Variants in DYNC2H1 observed in about 807,000 individuals in gnomAD.
DYNC2H1 encodes cytoplasmic dynein 2 heavy chain 1.
A neutral mutation model predicts 570.0 loss-of-function variants in DYNC2H1; 410 were observed. The ratio of observed to expected loss-of-function variants is 0.72; its 90% CI spans 0.66 to 0.78. DYNC2H1 has a LOEUF of 0.78. Among genes scored for constraint, DYNC2H1 ranks in the 30% least tolerant of loss-of-function variants. The probability of loss-of-function intolerance (pLI) is 0.00; values close to 1 mark genes in which losing one functional copy is unlikely to be tolerated. For missense variants in DYNC2H1, 4,865 were observed against 5,046.4 expected (o/e 0.96, Z 1.09); for synonymous variants, 1,688 against 1,677.6 (o/e 1.01, Z -0.15).
At position 103,397,932 on chromosome 11, in the gene DYNC2H1, A is replaced by G. The variant is rs183470175; in HGVS notation, c.12157-1731A>G. 2.3e-4 allele frequency among the ~76,000 whole-genome samples: 35 copies of G among 152,154 alleles called. No individual in the cohort carries two copies. In the East Asian group the frequency reaches 6.7e-3, roughly 29 times the overall value. ...AAATGTTTAGTACATTTAGCTACCTATTTTCTTGGATTGTAGATAAATGGA... is the reference window on the plus strand; with the variant it reads ...AAATGTTTAGTACATTTAGCTACCTGTTTTCTTGGATTGTAGATAAATGGA... On this transcript the variant is annotated intron_variant, in intron 83 of 88. Coordinates refer to ENST00000375735, the MANE Select transcript of DYNC2H1 (RefSeq NM_001377.3).
At chr11:103,469,879 G>C (rs972314591) in intron 88 of DYNC2H1, among the ~76,000 whole-genome samples, 2 of 152,074 alleles carry the variant, frequency 1.3e-5, no homozygotes, top group African/African-American at 4.8e-5. Flanking sequence ...CAAAAGTTAA[G>C]GTTGGAATTT....
intron 65 of DYNC2H1, among the ~76,000 whole-genome samples, chr11:103,250,672 A>C (rs897539824): frequency 6.6e-6 from 1 of 152,138 alleles, no homozygotes; most frequent in Non-Finnish European, 1.5e-5. Flanking sequence ...GATTTTTGAA[A>C]TGGAAAATCA....
At chr11:103,126,519 A>G (rs971559399) in intron 12 of DYNC2H1, among the ~76,000 whole-genome samples, 1 of 152,108 alleles carries the variant, frequency 6.6e-6, no homozygotes, top group Non-Finnish European at 1.5e-5. Flanking sequence ...TTAATTCCCC[A>G]TTGTACCACT....
rs554402420 is a variant in DYNC2H1, at chr11:103,237,047, T to C, written c.9819+508T>C. Among the ~76,000 whole-genome samples the C allele has an allele frequency of 7.9e-5, 12 of 152,126 alleles. No homozygotes were observed. In the South Asian group the frequency reaches 2.5e-3, roughly 32 times the overall value. On this transcript the variant is annotated intron_variant, in intron 63 of 88. Transcript: ENST00000375735. ...AAAATGGAAAATAGCATAACCTTAT[T>C]ATCAGTGAGTGTGAAAACCAAATTC...
chr11:103,317,081 C>T (rs1290546180), intron 80 of DYNC2H1, among the ~76,000 whole-genome samples: 4 of 152,114 alleles, frequency 2.6e-5, no homozygotes, highest in African/African-American at 9.7e-5. Context: ...AGCTATCAGC[C>T]TCCTTGAAAA....
At chr11:103,197,886 C>G in intron 47 of DYNC2H1, 47 bp from the exon 48 acceptor site, 5 of 1,538,538 alleles carry the variant, frequency 3.2e-6, no homozygotes, top group Non-Finnish European at 4.4e-6. Context: ...GTTGAACTCT[C>G]ATTACGAGTA....
intron 76 of DYNC2H1, among the ~76,000 whole-genome samples, chr11:103,303,558 T>C (rs1274406683): frequency 5.3e-5 from 8 of 151,932 alleles, no homozygotes; most frequent in Admixed American, 3.3e-4. Context: ...GATATGATGA[T>C]AGAAGTAGAG....
At position 103,222,109 on chromosome 11, in the gene DYNC2H1, G is replaced by A. The variant is rs924174408; in HGVS notation, c.9187G>A (p.Val3063Ile). Residue 3063 changes from valine to isoleucine, a missense_variant, in exon 58 of 89, where the codon GTT (valine) becomes ATT (isoleucine). Physicochemically the swap from Val to Ile is conservative, Grantham distance 29. Transcript: ENST00000375735. The stretch of plus-strand genomic sequence containing the variant: ...TATTTCAAAGGAAATAAGAGAGAGT[G>A]TTGAAGAACTTCTTTTTAAAAATAA... ...RNISKEIRES[V>I]EELLFKNKGS... The A allele has an allele frequency of 4.4e-6, 7 of 1,596,240 alleles. No individual in the cohort carries two copies. The African/African-American group carries it at 6.7e-5, about 15-fold the overall frequency.
chr11:103,227,972 A>C (rs1863863659), intron 59 of DYNC2H1, among the ~76,000 whole-genome samples: 1 of 152,042 alleles, frequency 6.6e-6, no homozygotes, highest in Non-Finnish European at 1.5e-5. Context: ...GTTGCTTTAA[A>C]GTTTGTTATG....
Position 103,135,330 on chromosome 11 carries a change from A to T in DYNC2H1, c.2206-165A>T, listed in dbSNP as rs1456749885. Among the ~76,000 whole-genome samples the T allele has an allele frequency of 2.6e-5, 4 of 152,204 alleles. No homozygotes were observed. The East Asian group carries it at 7.7e-4, about 29-fold the overall frequency. On this transcript the variant is annotated intron_variant, in intron 15 of 88. Coordinates refer to ENST00000375735, the MANE Select transcript of DYNC2H1 (RefSeq NM_001377.3). ...TAGATTTTCATATTTGTCTCTAAAT[A>T]AACTTATACGGAGAGTAACAAGGAT...
At chr11:103,386,040 A>C (rs1009352449) in intron 83 of DYNC2H1, among the ~76,000 whole-genome samples, 2 of 152,178 alleles carry the variant, frequency 1.3e-5, no homozygotes, top group Non-Finnish European at 2.9e-5. Flanking sequence ...GAGGTAAATA[A>C]AGATGAAGAT....
chr11:103,195,146 T>C (rs1343158586), intron 47 of DYNC2H1, among the ~76,000 whole-genome samples: 1 of 152,236 alleles, frequency 6.6e-6, no homozygotes, highest in African/African-American at 2.4e-5. Flanking sequence ...TAGCAGGGTC[T>C]TTCACAGATA....
chr11:103,456,164 C>A, intron 86 of DYNC2H1, 111 bp from the exon 87 acceptor site: 2 of 782,624 alleles, frequency 2.6e-6, no homozygotes, highest in Non-Finnish European at 3.8e-6. Context: ...TTATTATTTA[C>A]ACATGGTAAA....
chr11:103,370,165 C>T (rs1662604776), intron 83 of DYNC2H1, among the ~76,000 whole-genome samples: 1 of 152,228 alleles, frequency 6.6e-6, no homozygotes, highest in Non-Finnish European at 1.5e-5. Flanking sequence ...AAGGGAATAT[C>T]AGTGGTAGTT....
chr11:103,269,104 C>T (rs1591500623), intron 70 of DYNC2H1, among the ~76,000 whole-genome samples: 1 of 152,086 alleles, frequency 6.6e-6, no homozygotes, highest in African/African-American at 2.4e-5. Flanking sequence ...AGTTAGTACT[C>T]AATTGGGATT....
At position 103,115,178 on chromosome 11, in the gene DYNC2H1, T is replaced by G. The variant is rs1325024791; in HGVS notation, c.504T>G (p.Gly168=). ...KLKFKEDDTR[G]ILTPSDEFQF... is the part of the protein sequence containing the mutation. ...TTTTTCCCCTCTTGACTTTTATAGG[T>G]ATCCTTACACCAAGCGATGAGTTCC... The change falls in exon 4 of 89, where the codon GGT becomes GGG. Residue 168 remains glycine, a splice_region_variant and synonymous_variant. Transcript: ENST00000375735. 1 of 1,604,498 alleles carries G rather than the reference T, an allele frequency of 6.2e-7. No individual in the cohort carries two copies. Among genetic ancestry groups the G allele is most frequent in the African/African-American group, 1.3e-5 (1 of 74,726 alleles).
intron 47 of DYNC2H1, among the ~76,000 whole-genome samples, chr11:103,195,781 T>C (rs1862487888): frequency 6.6e-6 from 1 of 152,192 alleles, no homozygotes; most frequent in Non-Finnish European, 1.5e-5. Flanking sequence ...ATTTATCTAA[T>C]CCCTCTATTT....
chr11:103,393,967 A>T (rs560685260), intron 83 of DYNC2H1, among the ~76,000 whole-genome samples: 1 of 152,072 alleles, frequency 6.6e-6, no homozygotes, highest in African/African-American at 2.4e-5. Context: ...CTATTATTCA[A>T]TTACCTCCCA....
chr11:103,152,274 A>G lies in DYNC2H1; in HGVS notation c.3085A>G (p.Ile1029Val), dbSNP rs376486940. 17 of 1,600,134 alleles carry G rather than the reference A, an allele frequency of 1.1e-5. No homozygotes were observed. The highest frequency in any genetic ancestry group is 1.3e-5 in the Non-Finnish European group (15 of 1,175,776). Residue 1029 changes from isoleucine (I) to valine (V), a missense_variant, in exon 21 of 89, where the codon ATT (isoleucine) becomes GTT (valine). Physicochemically the swap from Ile to Val is conservative, Grantham distance 29 (BLOSUM62 3). Transcript: ENST00000375735. ...ELMMESHQLM[I>V]KDQIEVMKGN... The stretch of plus-strand genomic sequence containing the variant: ...AATGATGGAAAGTCACCAACTTATG[A>G]TTAAAGACCAGGTTAGAATCTTTTA...
Sources: gnomAD v4.1 joint callset for allele counts (sites outside exome capture counted in the v4.1 genomes callset) on GRCh38, gnomAD v4.1.1 for gene constraint, MANE v1.5 for transcripts, NCBI Gene and HGNC (gene_info 2026-07-23, HGNC 2026-07-21) for gene names.